The following GALNT17 variants were observed in gnomAD, a reference collection of about 807,000 sequenced individuals.
The protein encoded by GALNT17 is polypeptide N-acetylgalactosaminyltransferase 17, also known as UDP-GalNAc:polypeptide N-acetylgalactosaminyltransferase-like 3.
A neutral mutation model predicts 63.7 loss-of-function variants in GALNT17; 29 were observed. The observed-to-expected ratio is 0.46, with a 90% confidence interval of 0.34 to 0.62. GALNT17 has a LOEUF of 0.62. Among genes scored for constraint, GALNT17 ranks in the 20% least tolerant of loss-of-function variants. The pLI is 0.01. For missense variants in GALNT17, 603 were observed against 799.6 expected (o/e 0.75, Z 2.97); for synonymous variants, 305 against 318.3 (o/e 0.96, Z 0.45).
At chr7:71,142,012 C>CTGTGTGTGTGTGTGTGTGTGTGTGTG in intron 1 of GALNT17, among the ~76,000 whole-genome samples, 2 of 124,890 alleles carry the variant, frequency 1.6e-5, no homozygotes, top group East Asian at 4.8e-4. Flanking sequence ...CCACATTTGG[C>CTGTGTGTGTGTGTGTGTGTGTGTGTG]TGTGTGTGTG....
At chr7:71,151,081 T>C (rs2116214410) in intron 1 of GALNT17, among the ~76,000 whole-genome samples, 1 of 152,174 alleles carries the variant, frequency 6.6e-6, no homozygotes, top group Non-Finnish European at 1.5e-5. Context: ...TGTGGGACCA[T>C]TGTGTTCAGC....
intron 1 of GALNT17, among the ~76,000 whole-genome samples, chr7:71,236,201 A>T (rs1562937408): frequency 2.6e-5 from 4 of 151,856 alleles, no homozygotes; most frequent in Admixed American, 2.6e-4. Flanking sequence ...AAATAAAAAA[A>T]AAAATAAAAA....
At chr7:71,214,493 C>T (rs968225837) in intron 1 of GALNT17, among the ~76,000 whole-genome samples, 9 of 152,062 alleles carry the variant, frequency 5.9e-5, no homozygotes, top group African/African-American at 2.2e-4. Flanking sequence ...TGTCATGAGC[C>T]CCTTTCATCT....
At chr7:71,355,417 C>T (rs530673803) in intron 2 of GALNT17, among the ~76,000 whole-genome samples, 7 of 152,104 alleles carry the variant, frequency 4.6e-5, no homozygotes, top group South Asian at 2.1e-4. Context: ...GCTTTAACTT[C>T]GGTTTGTATT....
intron 6 of GALNT17, among the ~76,000 whole-genome samples, chr7:71,634,171 A>G (rs1295295502): frequency 2.6e-5 from 4 of 151,842 alleles, no homozygotes; most frequent in Non-Finnish European, 5.9e-5. Context: ...TATTACTTCC[A>G]TCTTTCTGTC....
At chr7:71,340,056 A>C (rs1270756491) in intron 2 of GALNT17, among the ~76,000 whole-genome samples, 1 of 152,170 alleles carries the variant, frequency 6.6e-6, no homozygotes, top group African/African-American at 2.4e-5. Context: ...AACCTCCCAC[A>C]TGAGGTGGGT....
At chr7:71,353,647 T>C (rs1031284400) in intron 2 of GALNT17, among the ~76,000 whole-genome samples, 4 of 152,146 alleles carry the variant, frequency 2.6e-5, no homozygotes, top group Admixed American at 2.6e-4. Context: ...ACAAAAATGG[T>C]GTTGCATCTG....
At chr7:71,214,018 C>T (rs1789429420) in intron 1 of GALNT17, among the ~76,000 whole-genome samples, 1 of 152,224 alleles carries the variant, frequency 6.6e-6, no homozygotes, top group African/African-American at 2.4e-5. Context: ...CTCTTTCCTT[C>T]TTAATAGTTC....
chr7:71,666,805 T>TA (rs570045540), intron 7 of GALNT17, among the ~76,000 whole-genome samples: 5 of 92,910 alleles, frequency 5.4e-5, no homozygotes, highest in African/African-American at 2.5e-4. Context: ...GCTTTATTTG[T>TA]ATTTTTTATT....
intron 6 of GALNT17, among the ~76,000 whole-genome samples, chr7:71,660,122 A>G (rs929553930): frequency 1.6e-4 from 24 of 152,196 alleles, no homozygotes; most frequent in African/African-American, 5.8e-4. Flanking sequence ...TGCCCAGCCC[A>G]GTAGGCCCTG....
At chr7:71,158,474 A>G (rs1788278337) in intron 1 of GALNT17, among the ~76,000 whole-genome samples, 1 of 151,418 alleles carries the variant, frequency 6.6e-6, no homozygotes, top group South Asian at 2.1e-4. Flanking sequence ...GGCTCACTGC[A>G]TCCTCCTCCT....
chr7:71,457,431 A>T (rs1787374861), intron 5 of GALNT17, among the ~76,000 whole-genome samples: 1 of 152,194 alleles, frequency 6.6e-6, no homozygotes, highest in Non-Finnish European at 1.5e-5. Context: ...TTGTGCAAGA[A>T]AGAATTCAGG....
At chr7:71,143,643 A>G (rs892179347) in intron 1 of GALNT17, among the ~76,000 whole-genome samples, 1 of 152,070 alleles carries the variant, frequency 6.6e-6, no homozygotes. Context: ...ACTTAATTGC[A>G]TAGGCTTGGG....
At chr7:71,324,242 G>A (rs750804768) in intron 1 of GALNT17, among the ~76,000 whole-genome samples, 4 of 152,174 alleles carry the variant, frequency 2.6e-5, no homozygotes, top group Admixed American at 6.5e-5. Flanking sequence ...AGCTCACTCC[G>A]AAGATGGTGT....
chr7:71,237,362 C>T (rs942405830), intron 1 of GALNT17, among the ~76,000 whole-genome samples: 8 of 151,476 alleles, frequency 5.3e-5, no homozygotes, highest in Non-Finnish European at 5.9e-5. Flanking sequence ...TTGCCTGGGA[C>T]GGAACAGGAA....
intron 5 of GALNT17, among the ~76,000 whole-genome samples, chr7:71,561,295 A>G (rs1467188310): frequency 6.6e-6 from 1 of 152,178 alleles, no homozygotes; most frequent in East Asian, 1.9e-4. Flanking sequence ...TACAGGCATG[A>G]GCCACTGCAC....
chr7:71,611,605 A>G (rs894799165), intron 6 of GALNT17, among the ~76,000 whole-genome samples: 1 of 152,138 alleles, frequency 6.6e-6, no homozygotes, highest in African/African-American at 2.4e-5. Flanking sequence ...TGTTTCCTTG[A>G]TGACAAAGAA....
chr7:71,483,268 C>A (rs141768411), intron 5 of GALNT17, among the ~76,000 whole-genome samples: 15 of 152,170 alleles, frequency 9.9e-5, no homozygotes, highest in African/African-American at 3.6e-4. Context: ...GTCAGGAGTT[C>A]AAGACCAGCC....
chr7:71,327,496 G>A lies in GALNT17; in HGVS notation c.239-8054G>A, dbSNP rs573160539. On this transcript the variant is annotated intron_variant, in intron 1 of 10. Transcript: ENST00000333538. ...CACTGGGTCCCTCCCACAACATGTG[G>A]GAATTATGGGAGCTACAATTAAAAA... Among the ~76,000 whole-genome samples the A allele has an allele frequency of 4.6e-5, 7 of 152,206 alleles. No individual in the cohort carries two copies. The East Asian group carries it at 1.2e-3, about 25-fold the overall frequency.
Sources: allele counts gnomAD v4.1 joint callset (sites outside exome capture counted in the v4.1 genomes callset), GRCh38; gene constraint gnomAD v4.1.1; transcripts MANE v1.5; gene names NCBI Gene and HGNC (gene_info 2026-07-23, HGNC 2026-07-21).